SPACDR: variants seen among roughly 807,000 people sequenced by gnomAD.
SPACDR encodes the protein sperm acrosome developmental regulator.
At chr7:100,461,527 C>T in the SPACDR span, among the ~76,000 whole-genome samples, 1 of 152,178 alleles carries the variant, frequency 6.6e-6, no homozygotes, top group Non-Finnish European at 1.5e-5. Flanking sequence ...ATCCTCCTGC[C>T]TTGGCCTCCC....
the SPACDR span, among the ~76,000 whole-genome samples, chr7:100,458,311 T>C: frequency 2.0e-5 from 3 of 151,544 alleles, no homozygotes; most frequent in Non-Finnish European, 2.9e-5. Flanking sequence ...ACAGAACATT[T>C]CCATCGGGCA....
At chr7:100,459,859 T>A in the SPACDR span, among the ~76,000 whole-genome samples, 4 of 152,234 alleles carry the variant, frequency 2.6e-5, no homozygotes, top group Admixed American at 6.6e-5. Context: ...TTTTGGCTAT[T>A]ACAAATCAAG....
the SPACDR span, chr7:100,463,870 C>T: frequency 5.6e-6 from 8 of 1,437,390 alleles, no homozygotes; most frequent in Non-Finnish European, 6.7e-6. Flanking sequence ...GGCCACAGGC[C>T]AGGAAGGGAG....
At chr7:100,463,127 G>GAAGAAA in the SPACDR span, among the ~76,000 whole-genome samples, 7 of 150,390 alleles carry the variant, frequency 4.7e-5, no homozygotes, top group East Asian at 2.0e-4. Flanking sequence ...AAAAAGAAAG[G>GAAGAAA]AAGAAAAAGA....
the SPACDR span, among the ~76,000 whole-genome samples, chr7:100,457,761 C>T: frequency 3.4e-5 from 5 of 148,620 alleles, no homozygotes; most frequent in Admixed American, 2.0e-4. Flanking sequence ...GCTGGGACTA[C>T]AGTCGTGCAC....
At chr7:100,457,843 A>G in the SPACDR span, among the ~76,000 whole-genome samples, 7,063 of 21,852 alleles carry the variant, frequency 0.32, 352 homozygotes, top group Middle Eastern at 0.39. Flanking sequence ...GTGTGTGTGT[A>G]TATATATATA....
the SPACDR span, chr7:100,456,813 T>C: frequency 4.5e-5 from 72 of 1,613,238 alleles, no homozygotes; most frequent in Non-Finnish European, 5.5e-5. Flanking sequence ...GGGGGCAGCA[T>C]GGCATCGGAC....
the SPACDR span, chr7:100,463,749 C>G: frequency 6.9e-7 from 1 of 1,453,322 alleles, no homozygotes; most frequent in Non-Finnish European, 9.7e-7. Flanking sequence ...CAACACCATC[C>G]ACAGAAAAGA....
At chr7:100,463,360 G>T in the SPACDR span, 1 of 1,582,522 alleles carries the variant, frequency 6.3e-7, no homozygotes, top group South Asian at 1.2e-5. Flanking sequence ...GGATGGTGCT[G>T]ACCTTCCAGC....
chr7:100,461,139 A>G, the SPACDR span, among the ~76,000 whole-genome samples: 1 of 152,130 alleles, frequency 6.6e-6, no homozygotes, highest in Non-Finnish European at 1.5e-5. Flanking sequence ...GCTGGAGTGC[A>G]GTGGCAGAAT....
chr7:100,463,744 C>T, the SPACDR span: 1 of 1,468,216 alleles, frequency 6.8e-7, no homozygotes, highest in African/African-American at 1.4e-5. Flanking sequence ...AGAGACAACA[C>T]CATCCACAGA....
chr7:100,463,881 G>A, the SPACDR span: 41 of 1,479,832 alleles, frequency 2.8e-5, no homozygotes, highest in Non-Finnish European at 3.5e-5. Context: ...AGGAAGGGAG[G>A]GAACCCACGC....
At chr7:100,459,428 G>A in the SPACDR span, among the ~76,000 whole-genome samples, 3 of 151,250 alleles carry the variant, frequency 2.0e-5, no homozygotes, top group Admixed American at 2.0e-4. Flanking sequence ...TCAGCCTCCC[G>A]AGTAGCCCAC....
At chr7:100,457,076 C>G in the SPACDR span, 1 of 819,186 alleles carries the variant, frequency 1.2e-6, no homozygotes, top group Admixed American at 2.7e-5. Flanking sequence ...CAGCAAAGGG[C>G]TCCCTGATTC....
the SPACDR span, among the ~76,000 whole-genome samples, chr7:100,461,112 C>G: frequency 6.6e-6 from 1 of 151,740 alleles, no homozygotes; most frequent in Non-Finnish European, 1.5e-5. Context: ...GAGACAGACT[C>G]TCACTGTATT....
chr7:100,463,301 G>T, the SPACDR span: 1 of 1,337,068 alleles, frequency 7.5e-7, no homozygotes. Context: ...CAAGTAATCA[G>T]AGGGAGGGGT....
At chr7:100,459,015 T>C in the SPACDR span, among the ~76,000 whole-genome samples, 1 of 149,892 alleles carries the variant, frequency 6.7e-6, no homozygotes, top group Non-Finnish European at 1.5e-5. Context: ...TTTTTTTTTT[T>C]TTTTTTGAGA....
At chr7:100,457,112 A>G in the SPACDR span, 1 of 602,810 alleles carries the variant, frequency 1.7e-6, no homozygotes, top group Non-Finnish European at 2.9e-6. Flanking sequence ...CCCAACTCAT[A>G]CATCACCTCC....
At chr7:100,460,199 AT>A in the SPACDR span, among the ~76,000 whole-genome samples, 2 of 150,214 alleles carry the variant, frequency 1.3e-5, no homozygotes, top group Non-Finnish European at 3.0e-5. Flanking sequence ...TCACATTTAG[AT>A]TTTTGTGTGA....
Sources: allele counts gnomAD v4.1 joint callset (sites outside exome capture counted in the v4.1 genomes callset), GRCh38; gene constraint gnomAD v4.1.1; transcripts MANE v1.5; gene names NCBI Gene and HGNC (gene_info 2026-07-23, HGNC 2026-07-21).